GFOD2: variants seen among roughly 807,000 people sequenced by gnomAD.
GFOD2 encodes glucose-fructose oxidoreductase domain-containing protein 2.
Under a neutral mutation model 24.6 loss-of-function variants are expected in GFOD2, and 9 were observed. The observed-to-expected ratio is 0.37, with a 90% confidence interval of 0.22 to 0.64. The LOEUF (loss-of-function observed/expected upper bound fraction) is 0.64, where lower values mean the gene tolerates loss of function less well. GFOD2 is among the 30% of genes least tolerant of loss of function. The pLI, the probability that GFOD2 is intolerant of heterozygous loss-of-function variation, is 0.65. For synonymous variants in GFOD2, 211 were observed against 224.8 expected, an observed-to-expected ratio of 0.94 and a Z score of 0.55; for missense variants, 476 against 532.5, an observed-to-expected ratio of 0.89 and a Z score of 1.04.
chr16:67,679,281 G>A (rs573551388), intron 2 of GFOD2, among the ~76,000 whole-genome samples: 16 of 148,136 alleles, frequency 1.1e-4, no homozygotes, highest in African/African-American at 4.0e-4. Flanking sequence ...CGCCCAGGCT[G>A]GAGTGCAATG....
At chr16:67,679,704 T>C (rs1228715838) in intron 2 of GFOD2, among the ~76,000 whole-genome samples, 1 of 151,272 alleles carries the variant, frequency 6.6e-6, no homozygotes, top group Non-Finnish European at 1.5e-5. Context: ...CTGACCAACA[T>C]GATGAAACCC....
In GFOD2 at chr16:67,710,387, G is replaced by A. The variant is rs533343077; in HGVS notation, c.-88+8776C>T. On this transcript the variant is annotated intron_variant, in intron 1 of 2. Coordinates refer to ENST00000268797, the MANE Select transcript of GFOD2 (RefSeq NM_030819.4). The stretch of plus-strand genomic sequence containing the variant: ...TGCCCGCCTTGGCCTCCCAAAGTTA[G>A]CCTTTGTTTTTTGAGACGAAGTGGA... Among the ~76,000 whole-genome samples, 49 of 142,516 alleles carry A rather than the reference G, an allele frequency of 3.4e-4. No homozygotes were observed. In the South Asian group the frequency reaches 6.8e-3, roughly 20 times the overall value. 93.5% of individuals were successfully genotyped at this position (142,516 alleles called of 152,430 possible).
In GFOD2 at chr16:67,675,938, G is replaced by A. The variant is rs766726703; in HGVS notation, c.375C>T (p.Arg125=). 2 of 1,614,100 alleles carry A rather than the reference G, an allele frequency of 1.2e-6. No homozygotes were observed. The highest frequency in any genetic ancestry group is 1.3e-5 in the African/African-American group (1 of 74,936). The change falls in exon 3 of 3, where the codon CGC becomes CGT. Residue 125 remains arginine (R), a synonymous_variant. Coordinates refer to ENST00000268797, the MANE Select transcript of GFOD2 (RefSeq NM_030819.4). ...TCATGCGCACGAAGGCAGGCAGGAA[G>A]CGCAGCACGTTCCCTACCAGGCTCA... ...QLMSLVGNVL[R]FLPAFVRMKQ...
intron 1 of GFOD2, among the ~76,000 whole-genome samples, chr16:67,699,255 T>C (rs1039068542): frequency 3.9e-5 from 6 of 152,038 alleles, no homozygotes; most frequent in African/African-American, 1.4e-4. Flanking sequence ...GGCAGCAGAA[T>C]CGCTGGAACC....
intron 1 of GFOD2, among the ~76,000 whole-genome samples, chr16:67,703,351 C>T (rs1403609076): frequency 6.6e-6 from 1 of 151,928 alleles, no homozygotes; most frequent in Non-Finnish European, 1.5e-5. Context: ...TGTGGTGAGC[C>T]GAGATAGCGC....
intron 2 of GFOD2, chr16:67,682,024 T>C (rs145270155): frequency 1.3e-5 from 4 of 318,028 alleles, no homozygotes; most frequent in Non-Finnish European, 1.8e-5. Flanking sequence ...TACAAAAATG[T>C]TTTCTTTTTA....
chr16:67,675,311 C>T lies in GFOD2; in HGVS notation c.1002G>A (p.Met334Ile). The change falls in exon 3 of 3, where the codon ATG becomes ATA. Residue 334 changes from methionine (M) to isoleucine (I), a missense_variant. Transcript: ENST00000268797. Reference protein sequence around the residue: ...RRTWDRTPVSMAASFEDGLYM... With the variant: ...RRTWDRTPVSIAASFEDGLYM... ...ACAGCCCATCCTCGAAGGAGGCGGC[C>T]ATGGAGACAGGGGTGCGGTCCCAGG... The T allele has an allele frequency of 6.2e-7, 1 of 1,613,118 alleles. No individual in the cohort carries two copies. The highest frequency in any genetic ancestry group is 8.5e-7 in the Non-Finnish European group (1 of 1,180,024).
chr16:67,714,634 A>G (rs898040599), intron 1 of GFOD2, among the ~76,000 whole-genome samples: 3 of 152,148 alleles, frequency 2.0e-5, no homozygotes, highest in Non-Finnish European at 4.4e-5. Context: ...TTTGGGTTCT[A>G]TTTTGGGGTT....
At chr16:67,686,207 C>A (rs559759073) in intron 1 of GFOD2, among the ~76,000 whole-genome samples, 1 of 152,208 alleles carries the variant, frequency 6.6e-6, no homozygotes, top group Non-Finnish European at 1.5e-5. Context: ...TCACATGAAC[C>A]TAGGAGTTCA....
chr16:67,683,520 C>T, intron 2 of GFOD2: 1 of 1,231,748 alleles, frequency 8.1e-7, no homozygotes, highest in Non-Finnish European at 1.0e-6. Context: ...ACCATCTGAC[C>T]TCCCAAGCAT....
intron 1 of GFOD2, among the ~76,000 whole-genome samples, chr16:67,704,354 G>C (rs373939557): frequency 6.6e-6 from 1 of 152,154 alleles, no homozygotes; most frequent in Non-Finnish European, 1.5e-5. Context: ...TACGTGCCCC[G>C]TGCTTTACAG....
intron 2 of GFOD2, among the ~76,000 whole-genome samples, chr16:67,679,258 G>A (rs576138789): frequency 2.0e-5 from 3 of 147,312 alleles, no homozygotes; most frequent in African/African-American, 7.5e-5. Context: ...TTGAGACAGA[G>A]TTTTGCTCTT....
intron 2 of GFOD2, chr16:67,677,726 T>C (rs968977678): frequency 6.6e-6 from 1 of 152,290 alleles, no homozygotes; most frequent in Non-Finnish European, 1.5e-5. Flanking sequence ...TGTGGAAAAC[T>C]GGATACCAAG....
chr16:67,696,609 G>T (rs1452024305), intron 1 of GFOD2, among the ~76,000 whole-genome samples: 1 of 151,626 alleles, frequency 6.6e-6, no homozygotes, highest in Non-Finnish European at 1.5e-5. Flanking sequence ...GAGTAGCTGG[G>T]ACTACAGGCA....
chr16:67,718,770 T>C (rs1227047126), intron 1 of GFOD2, among the ~76,000 whole-genome samples: 1 of 152,118 alleles, frequency 6.6e-6, no homozygotes, highest in African/African-American at 2.4e-5. Context: ...CCACGAGCCC[T>C]TTGTCTGAGC....
chr16:67,682,640 A>G (rs2053236101), intron 2 of GFOD2: 1 of 985,294 alleles, frequency 1.0e-6, no homozygotes, highest in African/African-American at 1.7e-5. Context: ...TGTGATATGA[A>G]AAGTATTATC....
chr16:67,696,852 G>T (rs1293181940), intron 1 of GFOD2, among the ~76,000 whole-genome samples: 1 of 152,202 alleles, frequency 6.6e-6, no homozygotes, highest in Non-Finnish European at 1.5e-5. Flanking sequence ...GTATTGGCTG[G>T]CCCCCGAGGA....
intron 2 of GFOD2, chr16:67,680,394 C>T (rs976472162): frequency 2.9e-4 from 44 of 152,190 alleles, no homozygotes; most frequent in African/African-American, 1.1e-3. Flanking sequence ...CAGCAAGACT[C>T]TGTCTCAAAA....
At chr16:67,702,248 C>T (rs942436039) in intron 1 of GFOD2, among the ~76,000 whole-genome samples, 1 of 152,110 alleles carries the variant, frequency 6.6e-6, no homozygotes, top group East Asian at 1.9e-4. Context: ...GTTTGAGAGG[C>T]TGAGGCAGGC....
Sources: gnomAD v4.1 joint callset for allele counts (sites outside exome capture counted in the v4.1 genomes callset) on GRCh38, gnomAD v4.1.1 for gene constraint, MANE v1.5 for transcripts, NCBI Gene and HGNC (gene_info 2026-07-23, HGNC 2026-07-21) for gene names.